Variants in ARHGAP9 observed in about 807,000 individuals in gnomAD.
ARHGAP9 encodes the protein rho GTPase-activating protein 9.
ARHGAP9 carries 76 observed loss-of-function variants against 87.3 expected under a neutral mutation model. The ratio of observed to expected loss-of-function variants is 0.87; its 90% confidence interval spans 0.72 to 1.05. ARHGAP9 has a LOEUF of 1.05. ARHGAP9 is among the 50% of genes least tolerant of loss of function. The pLI is 0.00. For missense variants in ARHGAP9, 941 were observed against 960.5 expected (o/e 0.98, Z 0.27); for synonymous variants, 382 against 394.9 (o/e 0.97, Z 0.39).
intron 4 of ARHGAP9, 37 bp downstream of exon 4, chr12:57,477,422 T>C: frequency 6.2e-7 from 1 of 1,604,994 alleles, no homozygotes. Flanking sequence ...AGGAAGAGCT[T>C]GAGGGGACAG....
In ARHGAP9 at chr12:57,474,078, G is replaced by C. The variant is rs1233882154; in HGVS notation, c.1882C>G (p.Pro628Ala). The C allele has an allele frequency of 3.1e-6, 5 of 1,614,116 alleles. No individual in the cohort carries two copies. Among genetic ancestry groups the C allele is most frequent in the Non-Finnish European group, 4.2e-6 (5 of 1,180,006 alleles). The change falls in exon 16 of 18, where the codon CCA (proline) becomes GCA (alanine). Residue 628 changes from proline (P) to alanine (A), a missense_variant. Coordinates refer to ENST00000393791, the MANE Select transcript of ARHGAP9 (RefSeq NM_032496.4). ...FLRELPQPLV[P>A]PLLLPHFRAA... ...CGGAAATGGGGCAGCAGCAGTGGTG[G>C]CACCAGAGGCTGGGGCAGCTCCCGG...
upstream of ARHGAP9, among the ~76,000 whole-genome samples, chr12:57,481,346 G>A (rs1415633281): frequency 6.6e-6 from 1 of 152,032 alleles, no homozygotes; most frequent in Non-Finnish European, 1.5e-5. Context: ...CGCTTTCCAG[G>A]TTTAAGTGAT....
chr12:57,476,156 C>T lies in ARHGAP9; in HGVS notation c.1127G>A (p.Gly376Asp). 6.5e-7 allele frequency: 1 copy of T among 1,540,806 alleles called. No individual in the cohort carries two copies. Among genetic ancestry groups the T allele is most frequent in the South Asian group, 1.2e-5 (1 of 83,116 alleles). ...TAPSSGWGPA[G>D]SRPESSVDLR... ...GTCCACGCTACTTTCGGGCCGGCTA[C>T]CCGCTGGTCCCTGACAATGAGGGAG... The change falls in exon 9 of 18, where the codon GGT becomes GAT. Residue 376 changes from glycine to aspartate, a missense_variant. Transcript: ENST00000393791.
Position 57,478,523 on chromosome 12 carries a change from G to A in ARHGAP9, c.534+17C>T, listed in dbSNP as rs116549043. The A allele has an allele frequency of 2.2e-3, 3,516 of 1,612,616 alleles. 11 individuals are homozygous for A. Among genetic ancestry groups the A allele is most frequent in the African/African-American group, 0.019 (1,416 of 75,006 alleles). ...TGTGCCTAGAACAGGGCCCAGCTCA[G>A]AAGAGCTGTGACTCACTGTGCTGGC... On this transcript the variant is annotated intron_variant, in intron 3 of 17. Coordinates refer to ENST00000393791, the MANE Select transcript of ARHGAP9 (RefSeq NM_032496.4).
intron 1 of ARHGAP9, chr12:57,488,055 C>T (rs539338210): frequency 1.0e-5 from 16 of 1,575,964 alleles, no homozygotes; most frequent in Middle Eastern, 3.3e-4. Flanking sequence ...AGCGGGAGGC[C>T]GGTTCCGGTT....
Position 57,476,146 on chromosome 12 carries a change from G to C in ARHGAP9, c.1137C>G (p.Pro379=). Residue 379 remains proline (P), a synonymous_variant, in exon 9 of 18, where the codon CCC becomes CCG. Coordinates refer to ENST00000393791, the MANE Select transcript of ARHGAP9 (RefSeq NM_032496.4). Reference sequence around the variant, plus strand: ...CCCCGCGCAGGTCCACGCTACTTTCGGGCCGGCTACCCGCTGGTCCCTGAC... The same window carrying C: ...CCCCGCGCAGGTCCACGCTACTTTCCGGCCGGCTACCCGCTGGTCCCTGAC... ...SSGWGPAGSR[P]ESSVDLRGAA... 4 of 1,542,898 alleles carry C rather than the reference G, an allele frequency of 2.6e-6. No individual in the cohort carries two copies. Among genetic ancestry groups the C allele is most frequent in the Admixed American group, 2.0e-5 (1 of 49,952 alleles).
intron 9 of ARHGAP9, 58 bp from the exon 10 acceptor site, chr12:57,475,989 G>T: frequency 6.5e-7 from 1 of 1,542,622 alleles, no homozygotes; most frequent in Non-Finnish European, 8.7e-7. Flanking sequence ...TAAGCAGGGA[G>T]ACCTAGCGGG....
intron 3 of ARHGAP9, chr12:57,477,999 A>G (rs1164397012): frequency 8.5e-7 from 1 of 1,169,872 alleles, no homozygotes; most frequent in African/African-American, 1.6e-5. Context: ...GGGGTGCCCC[A>G]CCCTCACATC....
rs373219863 is a variant in ARHGAP9 at position 57,477,223 on chromosome 12, T to A, written c.803A>T (p.Asp268Val). The A allele has an allele frequency of 6.2e-6, 10 of 1,600,678 alleles. No homozygotes were observed. Among genetic ancestry groups the A allele is most frequent in the Non-Finnish European group, 7.7e-6 (9 of 1,173,174 alleles). ...GCCCTTTGCCTGAGGTTGCAGGACA[T>A]CATTGTTCCTCTTCAGGGTCTGTGT... ...EGTQTLKRNN[D>V]VLQPQAKGFR... Residue 268 changes from aspartate to valine, a missense_variant, in exon 5 of 18, where the codon GAT becomes GTT. By Grantham distance (152) the Asp-to-Val change is radical. Transcript: ENST00000393791.
chr12:57,484,040 CAA>C (rs746542310), upstream of ARHGAP9: 349 of 40,572 alleles, frequency 8.6e-3, 1 homozygote, highest in South Asian at 0.049. Flanking sequence ...GACCCTGTCT[CAA>C]AAAAAAAAAA....
At chr12:57,479,539 G>C in intron 1 of ARHGAP9, 115 bp from the exon 2 acceptor site, 1 of 1,493,274 alleles carries the variant, frequency 6.7e-7, no homozygotes, top group Non-Finnish European at 8.9e-7. Context: ...GAGCCCTTGA[G>C]TTGGGGGAGA....
At chr12:57,484,386 G>A (rs1875250190), upstream of ARHGAP9, among the ~76,000 whole-genome samples, 1 of 151,324 alleles carries the variant, frequency 6.6e-6, no homozygotes, top group African/African-American at 2.4e-5. Context: ...ACCCATTAGA[G>A]GGGCCCTAAC....
Position 57,476,861 on chromosome 12 carries a change from G to A in ARHGAP9, c.963+10C>T. 1 of 1,612,640 alleles carries A rather than the reference G, an allele frequency of 6.2e-7. No homozygotes were observed. Among genetic ancestry groups the A allele is most frequent in the Non-Finnish European group, 8.5e-7 (1 of 1,178,876 alleles). On this transcript the variant is annotated intron_variant, in intron 6 of 17. Coordinates refer to ENST00000393791, the MANE Select transcript of ARHGAP9 (RefSeq NM_032496.4). Reference sequence around the variant, plus strand: ...GGATCTTGGCCTTCACAAAGAAATGGGAGATTCACATGGGGGTCGTCCAGG... The same window carrying A: ...GGATCTTGGCCTTCACAAAGAAATGAGAGATTCACATGGGGGTCGTCCAGG...
chr12:57,476,154 T>C lies in ARHGAP9; in HGVS notation c.1129A>G (p.Ser377Gly). 1 of 1,541,774 alleles carries C rather than the reference T, an allele frequency of 6.5e-7. No individual in the cohort carries two copies. Among genetic ancestry groups the C allele is most frequent in the African/African-American group, 1.4e-5 (1 of 72,910 alleles). The change falls in exon 9 of 18, where the codon AGC becomes GGC. Residue 377 changes from serine (S) to glycine (G), a missense_variant. Coordinates refer to ENST00000393791, the MANE Select transcript of ARHGAP9 (RefSeq NM_032496.4). ...APSSGWGPAG[S>G]RPESSVDLRG... The stretch of plus-strand genomic sequence containing the variant: ...AGGTCCACGCTACTTTCGGGCCGGC[T>C]ACCCGCTGGTCCCTGACAATGAGGG...
intron 1 of ARHGAP9, among the ~76,000 whole-genome samples, chr12:57,485,669 T>C (rs965273178): frequency 6.6e-6 from 1 of 152,162 alleles, no homozygotes; most frequent in African/African-American, 2.4e-5. Flanking sequence ...CATAAGTTAC[T>C]GGGCCTGGCC....
chr12:57,487,122 C>T (rs1317073146), intron 1 of ARHGAP9, among the ~76,000 whole-genome samples: 1 of 151,608 alleles, frequency 6.6e-6, no homozygotes, highest in Non-Finnish European at 1.5e-5. Flanking sequence ...GGATTACAGG[C>T]GCCTGCCACC....
Position 57,476,605 on chromosome 12 carries a change from C to G in ARHGAP9, c.1010G>C (p.Gly337Ala), listed in dbSNP as rs139460885. Residue 337 changes from glycine to alanine, a missense_variant, in exon 7 of 18, where the codon GGG becomes GCG. Coordinates refer to ENST00000393791, the MANE Select transcript of ARHGAP9 (RefSeq NM_032496.4). The stretch of plus-strand genomic sequence containing the variant: ...GGGTTCTCACCTGAGCTTGCGCCCC[C>G]CTTGGGCAATCTTGGTCATGTTGAG... ...GLLNMTKIAQ[G>A]GRKLRKNWGP... The G allele has an allele frequency of 7.1e-5, 114 of 1,614,178 alleles. No individual in the cohort carries two copies. Among genetic ancestry groups the G allele is most frequent in the East Asian group, 4.7e-4 (21 of 44,872 alleles).
intron 1 of ARHGAP9, among the ~76,000 whole-genome samples, chr12:57,487,063 G>T (rs1159965362): frequency 6.6e-6 from 1 of 151,548 alleles, no homozygotes; most frequent in Non-Finnish European, 1.5e-5. Context: ...TGCAACCTCC[G>T]CTTCCCGGGT....
At chr12:57,475,254 A>G (rs1873140937) in intron 12 of ARHGAP9, 37 bp downstream of exon 12, 1 of 1,541,516 alleles carries the variant, frequency 6.5e-7, no homozygotes, top group Admixed American at 2.0e-5. Flanking sequence ...GCCTCGCTGG[A>G]GTTTTCTTAT....
Sources: allele counts gnomAD v4.1 joint callset (sites outside exome capture counted in the v4.1 genomes callset), GRCh38; gene constraint gnomAD v4.1.1; transcripts MANE v1.5; gene names NCBI Gene and HGNC (gene_info 2026-07-23, HGNC 2026-07-21).